The following DPYSL3 variants were observed in gnomAD, a reference collection of about 807,000 sequenced individuals.
DPYSL3 encodes the protein dihydropyrimidinase-related protein 3.
A neutral mutation model predicts 66.1 loss-of-function variants in DPYSL3; 16 were observed. The observed-to-expected ratio is 0.24, with a 90% CI of 0.16 to 0.37. DPYSL3 has a LOEUF of 0.37. Among genes scored for constraint, DPYSL3 ranks in the 10% least tolerant of loss-of-function variants. DPYSL3 has a pLI of 1.00. For synonymous variants in DPYSL3, 338 were observed against 345.1 expected, an observed-to-expected ratio of 0.98 and a Z score of 0.23; for missense variants, 738 against 916.2, an observed-to-expected ratio of 0.81 and a Z score of 2.51.
At chr5:147,420,998 T>A (rs2126318839) in intron 2 of DPYSL3, among the ~76,000 whole-genome samples, 1 of 152,312 alleles carries the variant, frequency 6.6e-6, no homozygotes, top group African/African-American at 2.4e-5. Context: ...CAACATCGTA[T>A]TGGAAGTTCT....
At chr5:147,409,563 T>C (rs1271588425) in intron 6 of DPYSL3, among the ~76,000 whole-genome samples, 1 of 152,214 alleles carries the variant, frequency 6.6e-6, no homozygotes, top group Non-Finnish European at 1.5e-5. Context: ...GAAGTGCATG[T>C]CCCTTGTGGT....
intron 1 of DPYSL3, among the ~76,000 whole-genome samples, chr5:147,484,731 G>A (rs1753302203): frequency 6.6e-6 from 1 of 152,176 alleles, no homozygotes; most frequent in South Asian, 2.1e-4. Flanking sequence ...ATAACCGAAT[G>A]CTTCAAATCT....
chr5:147,411,320 C>T (rs773264254), intron 6 of DPYSL3, among the ~76,000 whole-genome samples: 2 of 152,174 alleles, frequency 1.3e-5, no homozygotes, highest in Non-Finnish European at 2.9e-5. Flanking sequence ...AGCAAGACAA[C>T]ATGGAGAGTC....
rs1753726446 is a variant in DPYSL3 at position 147,509,458 on chromosome 5, G to A, written c.381+20C>T. 2 of 1,486,398 alleles carry A rather than the reference G, an allele frequency of 1.3e-6. No homozygotes were observed. The highest frequency in any genetic ancestry group is 1.8e-6 in the Non-Finnish European group (2 of 1,122,466). 92.1% of individuals were successfully genotyped at this position (1,486,398 alleles called of 1,614,324 possible). A position where few individuals can be genotyped will look rare whatever the true frequency, so the allele number is the denominator to read the frequency against. ...GAAAGGAACGAAGGCAAGGAGGGAA[G>A]TGACCCGGGGCCCCCTTACCTTGTC... On this transcript the variant is annotated intron_variant, in intron 1 of 13. Coordinates refer to ENST00000343218, the MANE Select transcript of DPYSL3 (RefSeq NM_001197294.2). This position sits in a 1 kb window ranked among gnomAD's most constrained non-coding sequence, Gnocchi z 5.3.
intron 11 of DPYSL3, among the ~76,000 whole-genome samples, chr5:147,398,382 T>C (rs1758060339): frequency 6.6e-6 from 1 of 152,234 alleles, no homozygotes; most frequent in South Asian, 2.1e-4. Context: ...AGCTTCACCA[T>C]TCGCTTGCTG....
intron 1 of DPYSL3, among the ~76,000 whole-genome samples, chr5:147,452,760 G>C (rs1752757578): frequency 6.6e-6 from 1 of 152,024 alleles, no homozygotes; most frequent in South Asian, 2.1e-4. Context: ...GCACACAATG[G>C]GTTGAACACT....
intron 1 of DPYSL3, among the ~76,000 whole-genome samples, chr5:147,430,275 C>T (rs2126344068): frequency 6.6e-6 from 1 of 151,962 alleles, no homozygotes; most frequent in South Asian, 2.1e-4. Context: ...GCGGGTGGGT[C>T]ACCTGAGGTC....
chr5:147,426,394 G>T (rs1036149047), intron 1 of DPYSL3, among the ~76,000 whole-genome samples: 2 of 152,066 alleles, frequency 1.3e-5, no homozygotes, highest in Non-Finnish European at 2.9e-5. Flanking sequence ...AGGTAGGCAG[G>T]CTACTCATGC....
intron 3 of DPYSL3, among the ~76,000 whole-genome samples, chr5:147,418,187 T>C (rs997394869): frequency 1.7e-4 from 26 of 152,172 alleles, no homozygotes; most frequent in Non-Finnish European, 3.5e-4. Context: ...CTCCACTCAT[T>C]GCAGGAGCCA....
chr5:147,410,454 C>T (rs1267672259), intron 6 of DPYSL3, among the ~76,000 whole-genome samples: 1 of 152,098 alleles, frequency 6.6e-6, no homozygotes, highest in East Asian at 1.9e-4. Context: ...AGCAGTAAAG[C>T]CCCACTGATG....
intron 2 of DPYSL3, among the ~76,000 whole-genome samples, chr5:147,422,136 C>G (rs999288140): frequency 6.6e-6 from 1 of 152,022 alleles, no homozygotes; most frequent in African/African-American, 2.4e-5. Context: ...CTACAAGGAA[C>G]TTAAACAACT....
intron 1 of DPYSL3, among the ~76,000 whole-genome samples, chr5:147,446,292 T>C (rs1481202237): frequency 1.3e-5 from 2 of 152,228 alleles, no homozygotes; most frequent in Admixed American, 1.3e-4. Context: ...AAGGCAGGCC[T>C]GAAGCACAGT....
At chr5:147,437,563 C>T (rs1752435300) in intron 1 of DPYSL3, among the ~76,000 whole-genome samples, 1 of 152,188 alleles carries the variant, frequency 6.6e-6, no homozygotes, top group South Asian at 2.1e-4. Flanking sequence ...TGTGGTGCTC[C>T]AGTCACACCA....
chr5:147,419,695 C>T (rs879902095), intron 2 of DPYSL3, among the ~76,000 whole-genome samples: 10 of 152,242 alleles, frequency 6.6e-5, no homozygotes, highest in African/African-American at 1.7e-4. Context: ...TCTCTTGGGG[C>T]AGTAAGAAGT....
intron 1 of DPYSL3, chr5:147,454,161 G>C: frequency 6.6e-6 from 1 of 152,204 alleles, no homozygotes; most frequent in African/African-American, 2.4e-5. Context: ...GCTCCTCGTC[G>C]GATCTCCTAC....
intron 1 of DPYSL3, among the ~76,000 whole-genome samples, chr5:147,449,467 T>G (rs1472014348): frequency 6.6e-6 from 1 of 152,188 alleles, no homozygotes; most frequent in Non-Finnish European, 1.5e-5. Context: ...AGAAATCCAA[T>G]CAGTGGTTGG....
intron 1 of DPYSL3, among the ~76,000 whole-genome samples, chr5:147,458,984 AT>A (rs61178145): frequency 0.21 from 29,538 of 138,244 alleles, 3,546 homozygotes; most frequent in African/African-American, 0.39. Context: ...TAATATTTTG[AT>A]TTTTTTTTTT....
At chr5:147,499,874 A>AT (rs1326417845) in intron 1 of DPYSL3, among the ~76,000 whole-genome samples, 19 of 152,238 alleles carry the variant, frequency 1.2e-4, no homozygotes, top group Admixed American at 1.2e-3. Flanking sequence ...AAAATAGCAC[A>AT]TAAGTAGACC....
chr5:147,406,818 A>G (rs2152019235), intron 7 of DPYSL3, among the ~76,000 whole-genome samples: 1 of 152,262 alleles, frequency 6.6e-6, no homozygotes, highest in African/African-American at 2.4e-5. Flanking sequence ...AAAAAATACC[A>G]AAAATAGCTT....
Sources: allele counts gnomAD v4.1 joint callset (sites outside exome capture counted in the v4.1 genomes callset), GRCh38; gene constraint gnomAD v4.1.1; non-coding constraint Gnocchi (gnomAD v3.1); transcripts MANE v1.5; gene names NCBI Gene and HGNC (gene_info 2026-07-23, HGNC 2026-07-21).